Variants in PTPRS observed in about 807,000 individuals in gnomAD.
The protein encoded by PTPRS is protein tyrosine phosphatase receptor type S.
In PTPRS, 63 loss-of-function variants were observed where a neutral mutation model predicts 215.3. The ratio of observed to expected loss-of-function variants is 0.29; its 90% confidence interval spans 0.24 to 0.36. The LOEUF is 0.36. Ranked by LOEUF, PTPRS falls within the 10% of genes least tolerant of loss-of-function variation. PTPRS has a pLI of 1.00. For synonymous variants in PTPRS, 1,404 were observed against 1,191.4 expected (o/e 1.18, Z -3.68); for missense variants, 2,258 against 2,825.8 (o/e 0.80, Z 4.56).
At chr19:5,282,675 C>T (rs1000352306) in intron 2 of PTPRS, among the ~76,000 whole-genome samples, 2 of 151,964 alleles carry the variant, frequency 1.3e-5, no homozygotes, top group African/African-American at 4.8e-5. Context: ...TGGTGGTACA[C>T]GCCTGTAATC....
chr19:5,300,188 G>A (rs913569660), intron 1 of PTPRS, among the ~76,000 whole-genome samples: 38 of 150,156 alleles, frequency 2.5e-4, no homozygotes, highest in African/African-American at 7.4e-4. Context: ...CTGCAGTGAC[G>A]TGAGATCATG....
At position 5,206,060 on chromosome 19, in the gene PTPRS, T is replaced by TAAAAA. The variant is rs545658474; in HGVS notation, c.*709_*713dup. On this transcript the variant is annotated 3_prime_UTR_variant, in exon 38 of 38. Coordinates refer to ENST00000262963, the MANE Select transcript of PTPRS (RefSeq NM_002850.4). ...CACACTTTCTGATGGTAGGAAAAAT[T>TAAAAA]AAAAAAAAAAAAAAAAAAAAAAAAG... 5.3e-4 allele frequency among the ~76,000 whole-genome samples: 37 copies of TAAAAA among 70,224 alleles called. No individual in the cohort carries two copies. Among genetic ancestry groups the TAAAAA allele is most frequent in the Middle Eastern group, 0.012 (1 of 84 alleles). The allele number at this position is 70,224 out of a possible 152,430, so 46.1% of individuals were successfully genotyped here.
At chr19:5,321,245 C>T (rs2050017072) in intron 1 of PTPRS, among the ~76,000 whole-genome samples, 1 of 152,160 alleles carries the variant, frequency 6.6e-6, no homozygotes, top group Non-Finnish European at 1.5e-5. Context: ...TGTACTCCAG[C>T]CTGGGCAACA....
intron 4 of PTPRS, among the ~76,000 whole-genome samples, chr19:5,267,366 AC>A (rs1371701712): frequency 6.6e-6 from 1 of 151,888 alleles, no homozygotes; most frequent in African/African-American, 2.4e-5. Flanking sequence ...TGCTCTACAA[AC>A]CAAGATGGGC....
intron 4 of PTPRS, among the ~76,000 whole-genome samples, chr19:5,267,633 G>T (rs1187157438): frequency 6.7e-6 from 1 of 150,110 alleles, no homozygotes; most frequent in Non-Finnish European, 1.5e-5. Flanking sequence ...CTCCAGCCTG[G>T]GCGACAGAGC....
chr19:5,225,879 G>C (rs2042444208), intron 16 of PTPRS, 35 bp from the exon 17 acceptor site: 1 of 1,576,596 alleles, frequency 6.3e-7, no homozygotes, highest in African/African-American at 1.4e-5. Context: ...ACGACGGCTG[G>C]GGCTGGGAGC....
At chr19:5,267,725 C>A (rs930078498) in intron 4 of PTPRS, among the ~76,000 whole-genome samples, 1 of 150,574 alleles carries the variant, frequency 6.6e-6, no homozygotes, top group Non-Finnish European at 1.5e-5. Flanking sequence ...CCCCGCCCCC[C>A]CAACTCCACT....
intron 1 of PTPRS, among the ~76,000 whole-genome samples, chr19:5,340,286 C>A (rs952171450): frequency 6.6e-6 from 1 of 150,582 alleles, no homozygotes; most frequent in African/African-American, 2.4e-5. Flanking sequence ...CGCGCGCCCC[C>A]CTCCGCGCCT....
At chr19:5,312,342 A>G (rs1308126021) in intron 1 of PTPRS, among the ~76,000 whole-genome samples, 2 of 152,148 alleles carry the variant, frequency 1.3e-5, no homozygotes, top group Non-Finnish European at 2.9e-5. Flanking sequence ...TGAGCACAAT[A>G]TGCCAATATT....
intron 1 of PTPRS, among the ~76,000 whole-genome samples, chr19:5,288,131 A>G: frequency 6.6e-6 from 1 of 152,190 alleles, no homozygotes; most frequent in South Asian, 2.1e-4. Flanking sequence ...GGCAGGCAGT[A>G]CACATACACA....
intron 7 of PTPRS, among the ~76,000 whole-genome samples, chr19:5,260,307 G>GT (rs1035426908): frequency 5.3e-5 from 8 of 151,650 alleles, no homozygotes; most frequent in Non-Finnish European, 8.8e-5. Flanking sequence ...AGCCTCCTGA[G>GT]TAGCTGGGAT....
chr19:5,213,762 C>G (rs2041153180), intron 30 of PTPRS, among the ~76,000 whole-genome samples: 1 of 152,212 alleles, frequency 6.6e-6, no homozygotes, highest in Admixed American at 6.5e-5. Context: ...GATGACCTGG[C>G]TGGGTGTTGG....
intron 5 of PTPRS, 58 bp downstream of exon 5, chr19:5,264,950 C>G: frequency 6.3e-7 from 1 of 1,581,326 alleles, no homozygotes; most frequent in Non-Finnish European, 8.6e-7. Context: ...CCTGGAGATG[C>G]TCCCCACCCC....
intron 2 of PTPRS, among the ~76,000 whole-genome samples, chr19:5,284,984 A>T (rs1486417088): frequency 6.6e-6 from 1 of 152,110 alleles, no homozygotes; most frequent in Non-Finnish European, 1.5e-5. Flanking sequence ...GCAGCATGAA[A>T]ATAAGAAAAA....
intron 8 of PTPRS, among the ~76,000 whole-genome samples, chr19:5,256,936 G>A (rs577102948): frequency 1.3e-3 from 195 of 151,966 alleles, no homozygotes; most frequent in Middle Eastern, 0.01. Context: ...TTGGTACTTC[G>A]CATGGGGGAA....
At chr19:5,251,713 C>G (rs1430265892) in intron 9 of PTPRS, among the ~76,000 whole-genome samples, 3 of 152,110 alleles carry the variant, frequency 2.0e-5, no homozygotes, top group Non-Finnish European at 2.9e-5. Context: ...CGCCGCCCAC[C>G]CTGGCCAAAT....
Position 5,222,729 on chromosome 19 carries a change from G to A in PTPRS, c.3063C>T (p.Phe1021=). Residue 1021 remains phenylalanine, a synonymous_variant, in exon 18 of 38, where the codon TTC becomes TTT. Transcript: ENST00000262963. ...ACGTCCGGTAGCGGACGGGGGGGCT[G>A]AAGGGGCCAGGGCCCCGGCGCGTGT... ...RAHTRRGPGP[F]SPPVRYRTFL... The A allele has an allele frequency of 1.3e-6, 2 of 1,596,536 alleles. No individual in the cohort carries two copies. Among genetic ancestry groups the A allele is most frequent in the Non-Finnish European group, 1.7e-6 (2 of 1,177,402 alleles).
At chr19:5,286,894 G>A (rs1188855133) in intron 1 of PTPRS, among the ~76,000 whole-genome samples, 1 of 152,062 alleles carries the variant, frequency 6.6e-6, no homozygotes, top group Non-Finnish European at 1.5e-5. Flanking sequence ...CCCACACCAG[G>A]ACTGAGGGGT....
At chr19:5,286,665 G>A (rs1052405267) in intron 1 of PTPRS, among the ~76,000 whole-genome samples, 1 of 152,116 alleles carries the variant, frequency 6.6e-6, no homozygotes, top group Non-Finnish European at 1.5e-5. Flanking sequence ...CCTTGATCTT[G>A]GACTTCCCAG....
Sources: allele counts gnomAD v4.1 joint callset (sites outside exome capture counted in the v4.1 genomes callset), GRCh38; gene constraint gnomAD v4.1.1; transcripts MANE v1.5; gene names NCBI Gene and HGNC (gene_info 2026-07-23, HGNC 2026-07-21).